The following TEAD4 variants were observed in gnomAD, a reference collection of about 807,000 sequenced individuals.
TEAD4 encodes TEA domain transcription factor 4.
TEAD4 carries 36 observed loss-of-function variants against 52.4 expected under a neutral mutation model. The ratio of observed to expected loss-of-function variants is 0.69; its 90% CI spans 0.53 to 0.91. TEAD4 has a LOEUF of 0.91. TEAD4 is among the 40% of genes least tolerant of loss of function. The pLI is 0.00. For missense variants in TEAD4, 508 were observed against 583.9 expected (o/e 0.87, Z 1.34); for synonymous variants, 220 against 231.0 (o/e 0.95, Z 0.43).
intron 3 of TEAD4, among the ~76,000 whole-genome samples, chr12:3,010,609 G>A (rs569673292): frequency 1.3e-5 from 2 of 152,326 alleles, no homozygotes; most frequent in South Asian, 2.1e-4. Flanking sequence ...GGGCAAGGCC[G>A]AGGGCCGGGC....
At chr12:3,015,712 G>A (rs1179293329) in intron 5 of TEAD4, among the ~76,000 whole-genome samples, 2 of 152,182 alleles carry the variant, frequency 1.3e-5, no homozygotes, top group Non-Finnish European at 2.9e-5. Context: ...CTGGAGTGCA[G>A]TAGTGCTGTC....
At chr12:2,996,428 G>C (rs2098247232) in intron 3 of TEAD4, among the ~76,000 whole-genome samples, 1 of 144,818 alleles carries the variant, frequency 6.9e-6, no homozygotes, top group Non-Finnish European at 1.5e-5. Context: ...TTTTTTTTGA[G>C]ATGGAGTTTC....
At chr12:2,985,156 G>A (rs1168162401) in intron 2 of TEAD4, among the ~76,000 whole-genome samples, 2 of 151,944 alleles carry the variant, frequency 1.3e-5, no homozygotes, top group Non-Finnish European at 2.9e-5. Flanking sequence ...AGGCCGAGGC[G>A]GGTGGATCAC....
chr12:2,982,777 C>T (rs1382349797), intron 2 of TEAD4, among the ~76,000 whole-genome samples: 1 of 152,192 alleles, frequency 6.6e-6, no homozygotes, highest in Non-Finnish European at 1.5e-5. Context: ...CTGGGACAGA[C>T]CCAATCCTAG....
At chr12:3,007,482 T>C (rs923034213) in intron 3 of TEAD4, among the ~76,000 whole-genome samples, 9 of 152,328 alleles carry the variant, frequency 5.9e-5, no homozygotes, top group African/African-American at 2.2e-4. Context: ...ACCTGCCCAC[T>C]GCAGGGAGGA....
At chr12:3,014,011 C>T (rs111925060) in intron 5 of TEAD4, among the ~76,000 whole-genome samples, 2,692 of 152,314 alleles carry the variant, frequency 0.018, 69 homozygotes, top group African/African-American at 0.06. Context: ...ACCTTTCTGC[C>T]TCCTAGGAAG....
chr12:3,015,709 G>A (rs1308076627), intron 5 of TEAD4, among the ~76,000 whole-genome samples: 2 of 152,190 alleles, frequency 1.3e-5, no homozygotes, highest in Non-Finnish European at 2.9e-5. Flanking sequence ...AGGCTGGAGT[G>A]CAGTAGTGCT....
At chr12:2,985,587 C>G (rs570884887) in intron 2 of TEAD4, among the ~76,000 whole-genome samples, 201 of 135,276 alleles carry the variant, frequency 1.5e-3, no homozygotes, top group African/African-American at 4.3e-3. Flanking sequence ...CTCACTGCAA[C>G]CTCCGCCTCC....
intron 2 of TEAD4, among the ~76,000 whole-genome samples, chr12:2,980,721 A>G (rs2098233484): frequency 6.6e-6 from 1 of 151,656 alleles, no homozygotes; most frequent in Non-Finnish European, 1.5e-5. Flanking sequence ...TGACAGAGCA[A>G]GACTCTGTCT....
At chr12:2,989,449 T>C (rs912757136) in intron 2 of TEAD4, among the ~76,000 whole-genome samples, 3 of 152,208 alleles carry the variant, frequency 2.0e-5, no homozygotes, top group Non-Finnish European at 4.4e-5. Context: ...GTTGTTATTA[T>C]TGTTTTTGAG....
chr12:2,988,855 C>T (rs973864391), intron 2 of TEAD4, among the ~76,000 whole-genome samples: 1 of 152,178 alleles, frequency 6.6e-6, no homozygotes, highest in African/African-American at 2.4e-5. Flanking sequence ...GAAAGCTGAA[C>T]GGGTGGAGGG....
chr12:2,984,948 A>T (rs1390573941), intron 2 of TEAD4, among the ~76,000 whole-genome samples: 1 of 152,192 alleles, frequency 6.6e-6, no homozygotes, highest in Non-Finnish European at 1.5e-5. Flanking sequence ...ACACTAGGAC[A>T]TTACTGATAC....
intron 3 of TEAD4, among the ~76,000 whole-genome samples, chr12:3,005,331 C>T (rs115132385): frequency 0.046 from 6,930 of 152,078 alleles, 512 homozygotes; most frequent in African/African-American, 0.16. Context: ...TCTTACTCTC[C>T]CTCCCTGGCA....
At chr12:3,015,495 A>T (rs554457402) in intron 5 of TEAD4, among the ~76,000 whole-genome samples, 19 of 152,286 alleles carry the variant, frequency 1.2e-4, no homozygotes, top group African/African-American at 4.1e-4. Context: ...CTGGCTTCAC[A>T]CCTGCACGGC....
At chr12:2,990,911 C>T (rs1422928858) in intron 2 of TEAD4, among the ~76,000 whole-genome samples, 1 of 152,184 alleles carries the variant, frequency 6.6e-6, no homozygotes, top group African/African-American at 2.4e-5. Context: ...CATTAAAACC[C>T]AGTTGTGACC....
At chr12:2,997,922 C>T (rs1213245777) in intron 3 of TEAD4, among the ~76,000 whole-genome samples, 1 of 152,072 alleles carries the variant, frequency 6.6e-6, no homozygotes, top group Non-Finnish European at 1.5e-5. Context: ...ACAGCCATTA[C>T]TACCACCCAT....
chr12:3,035,444 C>T (rs143152810), intron 10 of TEAD4, among the ~76,000 whole-genome samples: 1 of 152,296 alleles, frequency 6.6e-6, no homozygotes, highest in East Asian at 1.9e-4. Context: ...AGAATATGTC[C>T]TGAGCACACA....
chr12:2,974,458 C>T (rs376453709), intron 2 of TEAD4, among the ~76,000 whole-genome samples: 46 of 152,358 alleles, frequency 3.0e-4, no homozygotes, highest in African/African-American at 1.0e-3. Flanking sequence ...ATTCTAACCC[C>T]GCCTGCTCCT....
intron 5 of TEAD4, among the ~76,000 whole-genome samples, chr12:3,014,936 G>T (rs972568290): frequency 6.6e-6 from 1 of 152,232 alleles, no homozygotes; most frequent in Non-Finnish European, 1.5e-5. Flanking sequence ...CGCCTGCCAA[G>T]TCCCTCATGC....
Sources: gnomAD v4.1 joint callset for allele counts (sites outside exome capture counted in the v4.1 genomes callset) on GRCh38, gnomAD v4.1.1 for gene constraint, MANE v1.5 for transcripts, NCBI Gene and HGNC (gene_info 2026-07-23, HGNC 2026-07-21) for gene names.